PDE10A: variants seen among roughly 807,000 people sequenced by gnomAD.
PDE10A encodes cAMP and cAMP-inhibited cGMP 3',5'-cyclic phosphodiesterase 10A.
A neutral mutation model predicts 97.7 loss-of-function variants in PDE10A; 39 were observed. That is an observed-to-expected ratio of 0.40 (90% CI 0.31 to 0.52). PDE10A has a LOEUF of 0.52. PDE10A is among the 20% of genes least tolerant of loss of function. The pLI, the probability that PDE10A is intolerant of heterozygous loss-of-function variation, is 0.56. For missense variants in PDE10A, 731 were observed against 1,047.8 expected (o/e 0.70, Z 4.17); for synonymous variants, 371 against 376.8 (o/e 0.98, Z 0.18).
chr6:165,421,971 G>A (rs1210971635), intron 10 of PDE10A, among the ~76,000 whole-genome samples: 1 of 152,190 alleles, frequency 6.6e-6, no homozygotes, highest in Non-Finnish European at 1.5e-5. Context: ...GGCTGAGGTA[G>A]GAGGATGGCT....
At chr6:165,802,251 C>T (rs1349317377) in intron 1 of PDE10A, among the ~76,000 whole-genome samples, 2 of 152,268 alleles carry the variant, frequency 1.3e-5, no homozygotes, top group Middle Eastern at 3.4e-3. Flanking sequence ...ACTTTCTTCC[C>T]ACATGACTTC....
chr6:165,749,330 TACC>T (rs1452439621), intron 1 of PDE10A, among the ~76,000 whole-genome samples: 1 of 8,290 alleles, frequency 1.2e-4, no homozygotes, highest in Non-Finnish European at 2.8e-4. Flanking sequence ...CCATCACCAA[TACC>T]ACCATCACCA....
At chr6:165,606,499 G>A (rs1053151402) in intron 1 of PDE10A, among the ~76,000 whole-genome samples, 2 of 152,198 alleles carry the variant, frequency 1.3e-5, no homozygotes, top group South Asian at 4.2e-4. Flanking sequence ...AGTGAGCGTC[G>A]CCTATTAAAA....
At chr6:165,396,819 A>T (rs1320043192) in intron 13 of PDE10A, among the ~76,000 whole-genome samples, 1 of 152,218 alleles carries the variant, frequency 6.6e-6, no homozygotes, top group Admixed American at 6.5e-5. Flanking sequence ...TTTAAAGATC[A>T]TCGTAAGATC....
In PDE10A at chr6:165,635,314, A is replaced by G. The variant is rs565063627; in HGVS notation, c.865+26633T>C. On this transcript the variant is annotated intron_variant, in intron 1 of 21. Coordinates refer to ENST00000539869, the MANE Select transcript of PDE10A (RefSeq NM_001385079.1). ...TGATAAAAGGCATCAGAAAAGGTTA[A>G]TATCTCCCAAAGGAATATTATTTGT... Among the ~76,000 whole-genome samples the G allele has an allele frequency of 3.9e-5, 6 of 152,360 alleles. No individual in the cohort carries two copies. In the South Asian group the frequency reaches 1.0e-3, roughly 26 times the overall value.
At chr6:165,623,535 C>G (rs1788247293) in intron 1 of PDE10A, among the ~76,000 whole-genome samples, 1 of 152,006 alleles carries the variant, frequency 6.6e-6, no homozygotes, top group Non-Finnish European at 1.5e-5. Context: ...CCTAAACATT[C>G]TGAAAATGCT....
intron 1 of PDE10A, among the ~76,000 whole-genome samples, chr6:165,981,462 G>A (rs963232387): frequency 6.6e-6 from 1 of 152,176 alleles, no homozygotes; most frequent in African/African-American, 2.4e-5. Context: ...GAGGAGAGAG[G>A]CACATGGGGT....
intron 1 of PDE10A, among the ~76,000 whole-genome samples, chr6:165,824,969 A>G (rs1277674057): frequency 2.2e-4 from 2 of 8,954 alleles, no homozygotes; most frequent in African/African-American, 2.9e-4. Flanking sequence ...CGTCTCTACT[A>G]AAAAAAAAAA....
intron 1 of PDE10A, among the ~76,000 whole-genome samples, chr6:165,931,966 A>T (rs1021596862): frequency 6.6e-6 from 1 of 152,188 alleles, no homozygotes; most frequent in Non-Finnish European, 1.5e-5. Flanking sequence ...GTGGCAGATG[A>T]CAGAAAGGTC....
At position 165,328,932 on chromosome 6, in the gene PDE10A, T is replaced by TA. The variant is rs1781193828; in HGVS notation, c.*4092dup. ...TATTGGCTAAATACTTATGCACATG[T>TA]AAAAATCTCATGGCCATGCGCTGAA... On this transcript the variant is annotated 3_prime_UTR_variant, in exon 22 of 22. Coordinates refer to ENST00000539869, the MANE Select transcript of PDE10A (RefSeq NM_001385079.1). 6.6e-6 allele frequency: 1 copy of TA among 152,176 alleles called. No individual in the cohort carries two copies. Among genetic ancestry groups the TA allele is most frequent in the Non-Finnish European group, 1.5e-5 (1 of 68,040 alleles). The allele number at this position is 152,176 out of a possible 1,614,324, so 9.4% of individuals were successfully genotyped here.
chr6:165,768,802 C>A (rs1266940847), intron 1 of PDE10A, among the ~76,000 whole-genome samples: 1 of 152,092 alleles, frequency 6.6e-6, no homozygotes, highest in East Asian at 1.9e-4. Context: ...TGAGTCAAAT[C>A]TTGCAGTATT....
At chr6:165,376,598 C>A (rs542633725) in intron 18 of PDE10A, among the ~76,000 whole-genome samples, 3 of 152,270 alleles carry the variant, frequency 2.0e-5, no homozygotes, top group Non-Finnish European at 4.4e-5. Context: ...TGACAGACTT[C>A]ACTCTCGTCA....
intron 1 of PDE10A, among the ~76,000 whole-genome samples, chr6:165,904,207 C>T (rs1231442479): frequency 6.6e-6 from 1 of 152,108 alleles, no homozygotes; most frequent in African/African-American, 2.4e-5. Context: ...AGGGTAATTT[C>T]AAGACAAAGT....
intron 1 of PDE10A, among the ~76,000 whole-genome samples, chr6:165,841,821 C>G (rs1780269460): frequency 6.6e-6 from 1 of 152,206 alleles, no homozygotes; most frequent in South Asian, 2.1e-4. Flanking sequence ...TCTAGCTTCT[C>G]TGGGTGAAGA....
At chr6:165,341,828 A>G (rs927701018) in intron 19 of PDE10A, among the ~76,000 whole-genome samples, 16 of 152,218 alleles carry the variant, frequency 1.1e-4, no homozygotes, top group African/African-American at 3.9e-4. Context: ...ACGAGAGATC[A>G]CTTTTTACTG....
chr6:165,850,488 C>T (rs183579962), intron 1 of PDE10A, among the ~76,000 whole-genome samples: 1 of 152,178 alleles, frequency 6.6e-6, no homozygotes, highest in South Asian at 2.1e-4. Flanking sequence ...ACCCCTCACA[C>T]ACGGTAAAAC....
intron 1 of PDE10A, among the ~76,000 whole-genome samples, chr6:165,814,827 G>A (rs887630802): frequency 2.0e-5 from 3 of 151,996 alleles, no homozygotes; most frequent in East Asian, 1.9e-4. Context: ...ACGTCACTCT[G>A]CGGCGTATGT....
chr6:165,492,693 A>C (rs56246732), intron 2 of PDE10A, among the ~76,000 whole-genome samples: 2,377 of 152,306 alleles, frequency 0.016, 56 homozygotes, highest in African/African-American at 0.054. Flanking sequence ...ACATACCTTA[A>C]GGTAATAAAA....
intron 1 of PDE10A, among the ~76,000 whole-genome samples, chr6:165,607,051 G>A (rs1036594956): frequency 6.6e-6 from 1 of 151,990 alleles, no homozygotes; most frequent in Admixed American, 6.5e-5. Context: ...CTATTTTCTT[G>A]CTTCCCAACT....
Sources: gnomAD v4.1 joint callset for allele counts (sites outside exome capture counted in the v4.1 genomes callset) on GRCh38, gnomAD v4.1.1 for gene constraint, MANE v1.5 for transcripts, NCBI Gene and HGNC (gene_info 2026-07-23, HGNC 2026-07-21) for gene names.